The following EGR4 variants were observed in gnomAD, a reference collection of about 807,000 sequenced individuals.
EGR4 encodes the protein early growth response 4.
Under a neutral mutation model 25.4 loss-of-function variants are expected in EGR4, and 22 were observed. The ratio of observed to expected loss-of-function variants is 0.87; its 90% CI spans 0.62 to 1.24. EGR4 has a LOEUF of 1.24. EGR4 is among the 50% of genes most tolerant of loss of function. EGR4 has a pLI of 0.00. For missense variants in EGR4, 742 were observed against 702.9 expected (o/e 1.06, Z -0.63); for synonymous variants, 375 against 320.1 (o/e 1.17, Z -1.83).
At position 73,292,360 on chromosome 2, in the gene EGR4, G is replaced by C. The variant is rs115948271; in HGVS notation, c.558C>G (p.Leu186=). 2.5e-4 allele frequency: 396 copies of C among 1,559,356 alleles called. 1 individual carries two copies. In the East Asian group the frequency reaches 8.7e-3, roughly 34 times the overall value. Residue 186 remains leucine (L), a synonymous_variant, in exon 2 of 2, where the codon CTC becomes CTG. Coordinates refer to ENST00000436467, the MANE Select transcript of EGR4 (RefSeq NM_001965.4). ...QLSPPDVKPG[L]RAPPASPALD... ...GCGCTGGCGAGGCGGGAGGCGCCCG[G>C]AGGCCGGGCTTGACGTCGGGCGGGG... is the stretch of plus-strand genomic sequence containing the variant.
In EGR4 at chr2:73,292,316, A is replaced by G; in HGVS notation, c.602T>C (p.Phe201Ser). 2 of 1,600,666 alleles carry G rather than the reference A, an allele frequency of 1.2e-6. No individual in the cohort carries two copies. Among genetic ancestry groups the G allele is most frequent in the Non-Finnish European group, 1.7e-6 (2 of 1,172,764 alleles). The change falls in exon 2 of 2, where the codon TTC becomes TCC. Residue 201 changes from phenylalanine (F) to serine (S), a missense_variant. Transcript: ENST00000436467. Reference protein sequence around the residue: ...ASPALDAVSAFKGPYAPWELL... With the variant: ...ASPALDAVSASKGPYAPWELL... The stretch of plus-strand genomic sequence containing the variant: ...CTCCCAGGGCGCGTAGGGACCCTTG[A>G]AGGCAGAGACAGCGTCCAGCGCTGG...
In EGR4 at chr2:73,291,986, A is replaced by G. The variant is rs1689114109; in HGVS notation, c.932T>C (p.Leu311Pro). Reference sequence around the variant, plus strand: ...GGCGCTGCGAAGGCCCAGCGGGGAAAGCTGAGGCTGCGTACTGGCCAGAAA... The same window carrying G: ...GGCGCTGCGAAGGCCCAGCGGGGAAGGCTGAGGCTGCGTACTGGCCAGAAA... ...GEFLASTQPQ[L>P]SPLGLRSAAA... The change falls in exon 2 of 2, where the codon CTT (leucine) becomes CCT (proline). Residue 311 changes from leucine (L) to proline (P), a missense_variant. By Grantham distance (98) the Leu-to-Pro change is moderately conservative (BLOSUM62 -3). Transcript: ENST00000436467. 15 of 1,599,978 alleles carry G rather than the reference A, an allele frequency of 9.4e-6. No individual in the cohort carries two copies. The East Asian group carries it at 3.4e-4, about 36-fold the overall frequency.
In EGR4 at chr2:73,291,314, G is replaced by T; in HGVS notation, c.*143C>A. 8.6e-7 allele frequency: 1 copy of T among 1,159,428 alleles called. No individual in the cohort carries two copies. Among genetic ancestry groups the T allele is most frequent in the Non-Finnish European group, 1.2e-6 (1 of 836,680 alleles). The allele number at this position is 1,159,428 out of a possible 1,614,324, so 71.8% of individuals were successfully genotyped here. ...GGTGCTGAATAGGGCGTGTGCGGCG[G>T]GCGCTTCAAGGAAACTGGAAGCGGG... On this transcript the variant is annotated 3_prime_UTR_variant, in exon 2 of 2. Coordinates refer to ENST00000436467, the MANE Select transcript of EGR4 (RefSeq NM_001965.4).
Position 73,292,402 on chromosome 2 carries a change from C to T in EGR4, c.516G>A (p.Leu172=). ...CGGGCGGGGAGAGCTGAGGCTCATA[C>T]AGGCACTGCGAGGGGGCACCCGCGC... ...SPCAGAPSQC[L]YEPQLSPPDV... Residue 172 remains leucine, a synonymous_variant, in exon 2 of 2, where the codon CTG becomes CTA. Coordinates refer to ENST00000436467, the MANE Select transcript of EGR4 (RefSeq NM_001965.4). 6.6e-7 allele frequency: 1 copy of T among 1,514,632 alleles called. No individual in the cohort carries two copies. The highest frequency in any genetic ancestry group is 8.8e-7 in the Non-Finnish European group (1 of 1,133,680). 93.8% of individuals were successfully genotyped at this position (1,514,632 alleles called of 1,614,324 possible).
intron 1 of EGR4, 83 bp from the exon 2 acceptor site, chr2:73,292,864 C>T: frequency 7.6e-7 from 1 of 1,315,394 alleles, no homozygotes; most frequent in Non-Finnish European, 9.8e-7. Context: ...ACTCTTGGTG[C>T]CCACGGATAT....
Position 73,293,440 on chromosome 2 carries a change from G to T in EGR4, c.-123C>A. On this transcript the variant is annotated 5_prime_UTR_variant, in exon 1 of 2. Transcript: ENST00000436467. ...ACAGACCTAGGCGCCCGGGCTCCTG[G>T]CTTCGGGCACTCACCTCTGGGAAAG... The T allele has an allele frequency of 1.3e-6, 2 of 1,520,534 alleles. No individual in the cohort carries two copies. The highest frequency in any genetic ancestry group is 2.5e-5 in the South Asian group (2 of 80,916). 94.2% of individuals were successfully genotyped at this position (1,520,534 alleles called of 1,614,324 possible).
In EGR4 at chr2:73,291,777, C is replaced by CG; in HGVS notation, c.1140dup (p.Ala381ArgfsTer72). On this transcript the variant is annotated frameshift_variant, in exon 2 of 2. Coordinates refer to ENST00000436467, the MANE Select transcript of EGR4 (RefSeq NM_001965.4). LOFTEE classifies it high-confidence loss of function. ...CGCACACAACTCTCCACCGGGCAAG[C>CG]GAAGGCCTTGGCGTGCGGCCGCGGG... 1 of 1,600,362 alleles carries CG rather than the reference C, an allele frequency of 6.2e-7. No individual in the cohort carries two copies. The highest frequency in any genetic ancestry group is 8.5e-7 in the Non-Finnish European group (1 of 1,178,974).
Position 73,291,446 on chromosome 2 carries a change from C to T in EGR4, c.*11G>A, listed in dbSNP as rs1689096281. 8 of 1,584,980 alleles carry T rather than the reference C, an allele frequency of 5.0e-6. No individual in the cohort carries two copies. The highest frequency in any genetic ancestry group is 6.9e-6 in the Non-Finnish European group (8 of 1,165,388). On this transcript the variant is annotated 3_prime_UTR_variant, in exon 2 of 2. Transcript: ENST00000436467. ...AACGGCGGCGCCCCAACCCATAAAC[C>T]CATCTCTTGCTCAGAGAGAAGCGAA...
At position 73,292,598 on chromosome 2, in the gene EGR4, C is replaced by A. The variant is rs1574399873; in HGVS notation, c.320G>T (p.Gly107Val). The change falls in exon 2 of 2, where the codon GGC (glycine) becomes GTC (valine). Residue 107 changes from glycine (G) to valine (V), a missense_variant. Physicochemically the swap from Gly to Val is moderately radical, Grantham distance 109 (BLOSUM62 -3). Transcript: ENST00000436467. ...DPEALFNLMS[G>V]ILGLAPFPGP... ...GGGGAAGGGTGCCAGGCCTAAGATGCCCGACATGAGGTTGAAGAGTGCCTC... is the reference window on the plus strand; with the variant it reads ...GGGGAAGGGTGCCAGGCCTAAGATGACCGACATGAGGTTGAAGAGTGCCTC... 6.6e-7 allele frequency: 1 copy of A among 1,515,146 alleles called. No homozygotes were observed. Among genetic ancestry groups the A allele is most frequent in the East Asian group, 2.4e-5 (1 of 42,284 alleles). The allele number at this position is 1,515,146 out of a possible 1,614,324, so 93.9% of individuals were successfully genotyped here. A position where few individuals can be genotyped will look rare whatever the true frequency, so the allele number is the denominator to read the frequency against.
At position 73,292,170 on chromosome 2, in the gene EGR4, C is replaced by T. The variant is rs751919497; in HGVS notation, c.748G>A (p.Ala250Thr). Residue 250 changes from alanine (A) to threonine (T), a missense_variant, in exon 2 of 2, where the codon GCG (alanine) becomes ACG (threonine). Transcript: ENST00000436467. Reference protein sequence around the residue: ...IEDLLSISCPAELPAVPANRL... With the variant: ...IEDLLSISCPTELPAVPANRL... Reference sequence around the variant, plus strand: ...TTGGCTGGGACGGCCGGCAGTTCCGCAGGGCAGCTGATGGACAGCAAGTCC... The same window carrying T: ...TTGGCTGGGACGGCCGGCAGTTCCGTAGGGCAGCTGATGGACAGCAAGTCC... The T allele has an allele frequency of 6.3e-7, 1 of 1,587,372 alleles. No individual in the cohort carries two copies. Among genetic ancestry groups the T allele is most frequent in the Non-Finnish European group, 8.6e-7 (1 of 1,166,814 alleles).
Position 73,293,532 on chromosome 2 carries a change from A to G in EGR4, c.-215T>C. ...TCGGGCGGCGGCTCCTCGCCTCTCCAAAGCGCTGCCGGGCTCCCCCAGCCC... is the reference window on the plus strand; with the variant it reads ...TCGGGCGGCGGCTCCTCGCCTCTCCGAAGCGCTGCCGGGCTCCCCCAGCCC... On this transcript the variant is annotated 5_prime_UTR_variant, in exon 1 of 2. Transcript: ENST00000436467. 2 of 1,483,080 alleles carry G rather than the reference A, an allele frequency of 1.3e-6. No individual in the cohort carries two copies. The highest frequency in any genetic ancestry group is 8.9e-7 in the Non-Finnish European group (1 of 1,119,546). 91.9% of individuals were successfully genotyped at this position (1,483,080 alleles called of 1,614,324 possible).
At position 73,291,336 on chromosome 2, in the gene EGR4, C is replaced by G. The variant is rs533991047; in HGVS notation, c.*121G>C. On this transcript the variant is annotated 3_prime_UTR_variant, in exon 2 of 2. Transcript: ENST00000436467. ...GCGGGCGCTTCAAGGAAACTGGAAG[C>G]GGGACCGGAGGCCGGCCCTCGGGCG... 7.1e-7 allele frequency: 1 copy of G among 1,399,532 alleles called. No homozygotes were observed. The highest frequency in any genetic ancestry group is 1.4e-5 in the South Asian group (1 of 69,312). 86.7% of individuals were successfully genotyped at this position (1,399,532 alleles called of 1,614,324 possible).
chr2:73,293,254 A>C lies in EGR4; in HGVS notation c.64T>G (p.Cys22Gly), dbSNP rs1689147281. 6.3e-7 allele frequency: 1 copy of C among 1,580,976 alleles called. No individual in the cohort carries two copies. The highest frequency in any genetic ancestry group is 1.8e-5 in the Admixed American group (1 of 54,404). Residue 22 changes from cysteine to glycine, a missense_variant, in exon 1 of 2, where the codon TGC becomes GGC. Coordinates refer to ENST00000436467, the MANE Select transcript of EGR4 (RefSeq NM_001965.4). ...ALLVKSTEGC[C>G]AEPSAELPRL... ...GGCAATTCAGCGCTGGGTTCGGCGCAACAGCCTTCAGTGGACTTGACGAGG... is the reference window on the plus strand; with the variant it reads ...GGCAATTCAGCGCTGGGTTCGGCGCCACAGCCTTCAGTGGACTTGACGAGG...
rs778601766 is a variant in EGR4, at chr2:73,292,462, G to C, written c.456C>G (p.Ala152=). The C allele has an allele frequency of 6.6e-7, 1 of 1,508,174 alleles. No individual in the cohort carries two copies. Among genetic ancestry groups the C allele is most frequent in the East Asian group, 2.3e-5 (1 of 43,240 alleles). The allele number at this position is 1,508,174 out of a possible 1,614,324, so 93.4% of individuals were successfully genotyped here. The part of the protein sequence containing the change: ...PDLYSPDLGA[A]PFPEAFWEAS... ...CCTCCCAGAACGCCTCTGGGAAAGG[G>C]GCAGCGCCCAGATCCGGGGAGTAAA... Residue 152 remains alanine, a synonymous_variant, in exon 2 of 2, where the codon GCC becomes GCG. Coordinates refer to ENST00000436467, the MANE Select transcript of EGR4 (RefSeq NM_001965.4).
In EGR4 at chr2:73,293,361, G is replaced by C; in HGVS notation, c.-44C>G. ...GGGCGCCCGGGGCCTCGCCCGCTGG[G>C]CTTGGGGGCGCGCGGGTGGCGGGGA... On this transcript the variant is annotated 5_prime_UTR_variant, in exon 1 of 2. Coordinates refer to ENST00000436467, the MANE Select transcript of EGR4 (RefSeq NM_001965.4). The C allele has an allele frequency of 6.6e-7, 1 of 1,512,894 alleles. No homozygotes were observed. The highest frequency in any genetic ancestry group is 1.3e-5 in the South Asian group (1 of 79,100). The allele number at this position is 1,512,894 out of a possible 1,614,324, so 93.7% of individuals were successfully genotyped here.
rs753156729 is a variant in EGR4 at position 73,293,388 on chromosome 2, G to A, written c.-71C>T. ...TTGGGGGCGCGCGGGTGGCGGGGAGGCTGGCGGTAGGGGTTCCCCGCAGCG... is the reference window on the plus strand; with the variant it reads ...TTGGGGGCGCGCGGGTGGCGGGGAGACTGGCGGTAGGGGTTCCCCGCAGCG... On this transcript the variant is annotated 5_prime_UTR_variant, in exon 1 of 2. Coordinates refer to ENST00000436467, the MANE Select transcript of EGR4 (RefSeq NM_001965.4). The A allele has an allele frequency of 2.0e-6, 3 of 1,499,652 alleles. No individual in the cohort carries two copies. Among genetic ancestry groups the A allele is most frequent in the Middle Eastern group, 1.8e-4 (1 of 5,442 alleles). The allele number at this position is 1,499,652 out of a possible 1,614,324, so 92.9% of individuals were successfully genotyped here.
At position 73,292,565 on chromosome 2, in the gene EGR4, T is replaced by C. The variant is rs1434131583; in HGVS notation, c.353A>G (p.Glu118Gly). The C allele has an allele frequency of 2.0e-6, 3 of 1,507,616 alleles. No individual in the cohort carries two copies. The highest frequency in any genetic ancestry group is 2.7e-6 in the Non-Finnish European group (3 of 1,129,088). 93.4% of individuals were successfully genotyped at this position (1,507,616 alleles called of 1,614,324 possible). ...ILGLAPFPGP[E>G]AAASRSPLDA... is the part of the protein sequence containing the mutation. ...CAGCGGGGATCTGGACGCTGCTGCCTCTGGACCGGGGAAGGGTGCCAGGCC... is the reference window on the plus strand; with the variant it reads ...CAGCGGGGATCTGGACGCTGCTGCCCCTGGACCGGGGAAGGGTGCCAGGCC... The change falls in exon 2 of 2, where the codon GAG becomes GGG. Residue 118 changes from glutamate (E) to glycine (G), a missense_variant. By Grantham distance (98) the Glu-to-Gly change is moderately conservative. Transcript: ENST00000436467.
Position 73,292,363 on chromosome 2 carries a change from G to C in EGR4, c.555C>G (p.Gly185=), listed in dbSNP as rs781060656. 2.6e-6 allele frequency: 4 copies of C among 1,556,274 alleles called. No homozygotes were observed. The East Asian group carries it at 6.8e-5, about 26-fold the overall frequency. ...PQLSPPDVKP[G]LRAPPASPAL... is the part of the protein sequence containing the mutation. ...CTGGCGAGGCGGGAGGCGCCCGGAGGCCGGGCTTGACGTCGGGCGGGGAGA... is the reference window on the plus strand; with the variant it reads ...CTGGCGAGGCGGGAGGCGCCCGGAGCCCGGGCTTGACGTCGGGCGGGGAGA... The change falls in exon 2 of 2, where the codon GGC becomes GGG. Residue 185 remains glycine (G), a synonymous_variant. Coordinates refer to ENST00000436467, the MANE Select transcript of EGR4 (RefSeq NM_001965.4).
rs200333207 is a variant in EGR4, at chr2:73,292,049, G to A, written c.869C>T (p.Pro290Leu). ...GCCGCTACTCCCTCCCTCCCCACTA[G>A]GAGGGGTCAGGAGCCCAGGGAGGCC... ...AEGLPGLLTP[P>L]SGEGGSSGDG... The change falls in exon 2 of 2, where the codon CCT (proline) becomes CTT (leucine). Residue 290 changes from proline to leucine, a missense_variant. Coordinates refer to ENST00000436467, the MANE Select transcript of EGR4 (RefSeq NM_001965.4). 6.3e-4 allele frequency: 1,009 copies of A among 1,609,384 alleles called. No individual in the cohort carries two copies. Among genetic ancestry groups the A allele is most frequent in the Non-Finnish European group, 6.8e-4 (796 of 1,177,898 alleles).
Sources: gnomAD v4.1 joint callset for allele counts on GRCh38, gnomAD v4.1.1 for gene constraint, MANE v1.5 for transcripts, NCBI Gene and HGNC (gene_info 2026-07-23, HGNC 2026-07-21) for gene names.